The following KCNG3 variants were observed in gnomAD, a reference collection of about 807,000 sequenced individuals.
KCNG3 encodes potassium voltage-gated channel modifier subfamily G member 3.
KCNG3 carries 15 observed loss-of-function variants against 29.0 expected under a neutral mutation model. The ratio of observed to expected loss-of-function variants is 0.52; its 90% CI spans 0.35 to 0.80. The LOEUF (loss-of-function observed/expected upper bound fraction) is 0.80. Among genes scored for constraint, KCNG3 ranks in the 30% least tolerant of loss-of-function variants. The pLI is 0.01. For synonymous variants in KCNG3, 322 were observed against 248.9 expected (o/e 1.29, Z -2.76); for missense variants, 512 against 605.7 (o/e 0.85, Z 1.62).
At chr2:42,408,195 G>A in the KCNG3 span, among the ~76,000 whole-genome samples, 71 of 152,246 alleles carry the variant, frequency 4.7e-4, no homozygotes, top group African/African-American at 1.6e-3. Context: ...GAACAGCCTG[G>A]GCGCCATGAA....
chr2:42,487,255 A>T (rs548486492), intron 1 of KCNG3, among the ~76,000 whole-genome samples: 1 of 151,990 alleles, frequency 6.6e-6, no homozygotes, highest in Admixed American at 6.6e-5. Context: ...GTTTTAGGCA[A>T]TTGTAGTTGT....
intron 1 of KCNG3, 70 bp downstream of exon 1, chr2:42,492,767 C>A: frequency 7.5e-7 from 1 of 1,326,300 alleles, no homozygotes. Context: ...AGGACGGAGA[C>A]GGGACGTATG....
intron 1 of KCNG3, among the ~76,000 whole-genome samples, chr2:42,479,827 A>G (rs938063133): frequency 2.6e-5 from 4 of 152,254 alleles, no homozygotes; most frequent in Non-Finnish European, 5.9e-5. Flanking sequence ...CCTGGGCAAC[A>G]TGGTGAAACC....
chr2:42,388,502 G>C, the KCNG3 span: 1 of 152,196 alleles, frequency 6.6e-6, no homozygotes, highest in Non-Finnish European at 1.5e-5. Context: ...TAAACAACAG[G>C]AATGTATGTT....
chr2:42,473,866 G>C (rs780956815), intron 1 of KCNG3, among the ~76,000 whole-genome samples: 1 of 151,964 alleles, frequency 6.6e-6, no homozygotes, highest in South Asian at 2.1e-4. Context: ...AATTATTCAG[G>C]TTAGGCCAGG....
chr2:42,487,853 A>G (rs1326804953), intron 1 of KCNG3, among the ~76,000 whole-genome samples: 1 of 152,220 alleles, frequency 6.6e-6, no homozygotes, highest in East Asian at 1.9e-4. Context: ...AAGAAACGAC[A>G]TAAATGTATA....
rs149485396 is a variant in KCNG3, at chr2:42,454,327, T to G, written c.666-9748A>C. On this transcript the variant is annotated intron_variant, in intron 1 of 1. Transcript: ENST00000306078. ...ACTTTCACAAATACAAATGAAGCATTACTGACAATAGTTAAGATGTCGAAG... is the reference window on the plus strand; with the variant it reads ...ACTTTCACAAATACAAATGAAGCATGACTGACAATAGTTAAGATGTCGAAG... Among the ~76,000 whole-genome samples the G allele has an allele frequency of 1.6e-3, 240 of 152,334 alleles. 2 individuals are homozygous for G. Among genetic ancestry groups the G allele is most frequent in the African/African-American group, 5.6e-3 (233 of 41,586 alleles).
chr2:42,464,994 A>G (rs1673104973), intron 1 of KCNG3, among the ~76,000 whole-genome samples: 1 of 152,236 alleles, frequency 6.6e-6, no homozygotes, highest in African/African-American at 2.4e-5. Flanking sequence ...AATTAATGGT[A>G]CAAAAAATTT....
At chr2:42,390,277 C>T in the KCNG3 span, among the ~76,000 whole-genome samples, 1 of 152,222 alleles carries the variant, frequency 6.6e-6, no homozygotes, top group African/African-American at 2.4e-5. Flanking sequence ...ATTTCCAAAG[C>T]TCTAAGAAAA....
At chr2:42,393,520 C>G in the KCNG3 span, among the ~76,000 whole-genome samples, 2 of 151,626 alleles carry the variant, frequency 1.3e-5, no homozygotes, top group Non-Finnish European at 2.9e-5. Context: ...GAGATTGCAC[C>G]ACTGCACTCC....
At chr2:42,439,274 T>G (rs921276998), downstream of KCNG3, among the ~76,000 whole-genome samples, 2 of 151,534 alleles carry the variant, frequency 1.3e-5, no homozygotes, top group Non-Finnish European at 2.9e-5. Flanking sequence ...TATGATTTTT[T>G]TGAGAGAGAG....
intron 1 of KCNG3, among the ~76,000 whole-genome samples, chr2:42,489,398 AC>A (rs1673816598): frequency 6.6e-6 from 1 of 152,154 alleles, no homozygotes; most frequent in South Asian, 2.1e-4. Flanking sequence ...CAATCAATCA[AC>A]AAAAATACAA....
intron 1 of KCNG3, among the ~76,000 whole-genome samples, chr2:42,484,238 G>A (rs1673662420): frequency 6.6e-6 from 1 of 151,554 alleles, no homozygotes; most frequent in Non-Finnish European, 1.5e-5. Flanking sequence ...GAGGAGGGTG[G>A]ATCACCTGAG....
the KCNG3 span, among the ~76,000 whole-genome samples, chr2:42,418,071 A>C: frequency 6.6e-6 from 1 of 152,114 alleles, no homozygotes; most frequent in South Asian, 2.1e-4. Flanking sequence ...GTGAACAATT[A>C]AGTGGCATTA....
the KCNG3 span, among the ~76,000 whole-genome samples, chr2:42,408,892 CCT>C: frequency 6.6e-6 from 1 of 152,250 alleles, no homozygotes; most frequent in East Asian, 1.9e-4. Flanking sequence ...GCTGTGATTC[CCT>C]CTTTGGGGCC....
chr2:42,460,124 G>C (rs961232457), intron 1 of KCNG3, among the ~76,000 whole-genome samples: 2 of 152,146 alleles, frequency 1.3e-5, no homozygotes, highest in Non-Finnish European at 2.9e-5. Context: ...AGCACTTTGA[G>C]AGGTTGAGGT....
At chr2:42,427,138 A>G in the KCNG3 span, among the ~76,000 whole-genome samples, 1 of 152,212 alleles carries the variant, frequency 6.6e-6, no homozygotes, top group African/African-American at 2.4e-5. Context: ...ATATAAGGCT[A>G]CCTTTGATAT....
intron 1 of KCNG3, chr2:42,470,149 C>T (rs1045387167): frequency 8.4e-5 from 36 of 426,166 alleles, no homozygotes; most frequent in African/African-American, 4.2e-5. Context: ...ATGCTAAATT[C>T]TGTCTGATTC....
chr2:42,426,397 C>T, the KCNG3 span, among the ~76,000 whole-genome samples: 1 of 152,204 alleles, frequency 6.6e-6, no homozygotes, highest in South Asian at 2.1e-4. Flanking sequence ...ACAATCTTTT[C>T]TATCCACATT....
Sources: allele counts gnomAD v4.1 joint callset (sites outside exome capture counted in the v4.1 genomes callset), GRCh38; gene constraint gnomAD v4.1.1; transcripts MANE v1.5; gene names NCBI Gene and HGNC (gene_info 2026-07-23, HGNC 2026-07-21).